The following BACH2 variants were observed in gnomAD, a reference collection of about 807,000 sequenced individuals.
BACH2 encodes the protein transcription regulator protein BACH2.
A neutral mutation model predicts 61.8 loss-of-function variants in BACH2; 5 were observed. The observed-to-expected ratio is 0.08, with a 90% CI of 0.04 to 0.17. The LOEUF is 0.17. BACH2 is among the 10% of genes least tolerant of loss of function. BACH2 has a pLI of 1.00. For synonymous variants in BACH2, 446 were observed against 440.1 expected (o/e 1.01, Z -0.17); for missense variants, 824 against 1,091.1 (o/e 0.76, Z 3.45).
chr6:90,114,898 A>G (rs1269511199), intron 4 of BACH2, among the ~76,000 whole-genome samples: 2 of 152,118 alleles, frequency 1.3e-5, no homozygotes, highest in Admixed American at 1.3e-4. Flanking sequence ...CCAAATCAGA[A>G]AGGCAATCCC....
At chr6:90,220,185 A>C (rs1769693163) in intron 3 of BACH2, among the ~76,000 whole-genome samples, 1 of 152,224 alleles carries the variant, frequency 6.6e-6, no homozygotes. Context: ...TCTCCGCTAC[A>C]GGATTTAAGG....
intron 8 of BACH2, among the ~76,000 whole-genome samples, chr6:89,936,578 C>G (rs1773037000): frequency 6.6e-6 from 1 of 152,122 alleles, no homozygotes; most frequent in Non-Finnish European, 1.5e-5. Flanking sequence ...GATGGTGACA[C>G]TGGAGAGGTA....
rs184080928 is a variant in BACH2 at position 90,121,098 on chromosome 6, G to A, written c.-161-31989C>T. On this transcript the variant is annotated intron_variant, in intron 4 of 8. Coordinates refer to ENST00000257749, the MANE Select transcript of BACH2 (RefSeq NM_021813.4). ...TGTCTTAAAAAATTCCTCACTTAAA[G>A]AGACTGAAAATGGAAATCATGCAAT... is the stretch of plus-strand genomic sequence containing the variant. Among the ~76,000 whole-genome samples, 273 of 152,248 alleles carry A rather than the reference G, an allele frequency of 1.8e-3. 2 individuals are homozygous for A. The highest frequency in any genetic ancestry group is 3.4e-3 in the Middle Eastern group (1 of 294).
chr6:90,069,120 G>C (rs767373869), intron 5 of BACH2, among the ~76,000 whole-genome samples: 60 of 152,108 alleles, frequency 3.9e-4, no homozygotes, highest in Non-Finnish European at 6.0e-4. Flanking sequence ...AGTTCCTGAT[G>C]CTTGAGTAGC....
At chr6:90,138,059 CACA>C (rs1784337512) in intron 4 of BACH2, among the ~76,000 whole-genome samples, 1 of 148,482 alleles carries the variant, frequency 6.7e-6, no homozygotes, top group Admixed American at 6.7e-5. Context: ...ATAAAACACA[CACA>C]CACACACACA....
intron 4 of BACH2, among the ~76,000 whole-genome samples, chr6:90,142,638 A>C (rs569264810): frequency 3.9e-5 from 6 of 152,298 alleles, no homozygotes; most frequent in African/African-American, 1.4e-4. Flanking sequence ...ATGTTTGGCC[A>C]AACAAAACCC....
At position 90,050,668 on chromosome 6, in the gene BACH2, G is replaced by C. The variant is rs1780000898; in HGVS notation, c.-13+38293C>G. On this transcript the variant is annotated intron_variant, in intron 5 of 8. Transcript: ENST00000257749. ...TAACATGTAGTGAGCTTATTACTGT[G>C]ATTTTAAAATTAACTAATAGATACT... is the stretch of plus-strand genomic sequence containing the variant. Among the ~76,000 whole-genome samples the C allele has an allele frequency of 1.3e-5, 2 of 151,834 alleles. 1 individual carries two copies. Among genetic ancestry groups the C allele is most frequent in the African/African-American group, 4.8e-5 (2 of 41,422 alleles).
intron 1 of BACH2, among the ~76,000 whole-genome samples, chr6:90,290,742 G>A (rs1772153016): frequency 1.3e-5 from 2 of 152,216 alleles, no homozygotes; most frequent in South Asian, 4.1e-4. Context: ...CTCCTGGAAA[G>A]TCTTGAGGAA....
chr6:90,237,644 A>G (rs1457250007), intron 3 of BACH2, among the ~76,000 whole-genome samples: 2 of 152,242 alleles, frequency 1.3e-5, no homozygotes, highest in Non-Finnish European at 2.9e-5. Flanking sequence ...TAAATGTAAA[A>G]TGCAATGGAA....
intron 5 of BACH2, among the ~76,000 whole-genome samples, chr6:90,011,930 AT>A (rs1246093423): frequency 6.1e-5 from 6 of 98,678 alleles, no homozygotes; most frequent in African/African-American, 1.3e-4. Flanking sequence ...AAAAAAAAAA[AT>A]ATGTGTGTGT....
chr6:90,237,874 G>A (rs937653929), intron 3 of BACH2, among the ~76,000 whole-genome samples: 1 of 152,122 alleles, frequency 6.6e-6, no homozygotes, highest in African/African-American at 2.4e-5. Flanking sequence ...CAAAGACAAC[G>A]GTGGACGAGC....
intron 7 of BACH2, among the ~76,000 whole-genome samples, chr6:89,946,309 T>G (rs1403687637): frequency 6.6e-6 from 1 of 152,176 alleles, no homozygotes; most frequent in East Asian, 1.9e-4. Flanking sequence ...TGGCAAAAAT[T>G]AAAAAGACTG....
intron 4 of BACH2, among the ~76,000 whole-genome samples, chr6:90,184,557 T>G (rs575321014): frequency 1.2e-4 from 18 of 152,114 alleles, no homozygotes; most frequent in Non-Finnish European, 2.2e-4. Context: ...ACAGAAGTGG[T>G]AAGAAGACAA....
intron 5 of BACH2, among the ~76,000 whole-genome samples, chr6:90,069,734 C>A (rs1781134207): frequency 6.6e-6 from 1 of 152,044 alleles, no homozygotes; most frequent in Admixed American, 6.6e-5. Context: ...TTAGAACAAT[C>A]CTTTACAGAA....
At chr6:90,114,607 A>G (rs1206946636) in intron 4 of BACH2, among the ~76,000 whole-genome samples, 1 of 152,232 alleles carries the variant, frequency 6.6e-6, no homozygotes, top group African/African-American at 2.4e-5. Context: ...AAACTGGCAC[A>G]AGACAAGGGT....
At chr6:90,033,537 T>C (rs1779116570) in intron 5 of BACH2, among the ~76,000 whole-genome samples, 1 of 152,124 alleles carries the variant, frequency 6.6e-6, no homozygotes, top group Non-Finnish European at 1.5e-5. Context: ...AAACCACTCA[T>C]GATCTTCCTG....
intron 5 of BACH2, among the ~76,000 whole-genome samples, chr6:90,027,423 G>A (rs770937357): frequency 1.3e-5 from 2 of 152,082 alleles, no homozygotes; most frequent in Non-Finnish European, 2.9e-5. Flanking sequence ...ACTCACACAC[G>A]ATTTCACCTC....
chr6:90,107,689 G>C (rs1442730173), intron 4 of BACH2, among the ~76,000 whole-genome samples: 1 of 149,736 alleles, frequency 6.7e-6, no homozygotes, highest in African/African-American at 2.5e-5. Flanking sequence ...TTTTAGTGGG[G>C]GTGTGGGATA....
rs1209835157 is a variant in BACH2 at position 89,951,914 on chromosome 6, C to G, written c.244-52G>C. 1 of 1,570,042 alleles carries G rather than the reference C, an allele frequency of 6.4e-7. No homozygotes were observed. Among genetic ancestry groups the G allele is most frequent in the Non-Finnish European group, 8.7e-7 (1 of 1,153,750 alleles). On this transcript the variant is annotated intron_variant, in intron 6 of 8. Transcript: ENST00000257749. This position sits in a 1 kb window ranked among gnomAD's most constrained non-coding sequence, Gnocchi z 6.4. ...ACATTACCATCAGCACTGCTATTGTCCCGAATCCCTCAACTGAAGCAAGAT... is the reference window on the plus strand; with the variant it reads ...ACATTACCATCAGCACTGCTATTGTGCCGAATCCCTCAACTGAAGCAAGAT...
Sources: allele counts gnomAD v4.1 joint callset (sites outside exome capture counted in the v4.1 genomes callset), GRCh38; gene constraint gnomAD v4.1.1; non-coding constraint Gnocchi (gnomAD v3.1); transcripts MANE v1.5; gene names NCBI Gene and HGNC (gene_info 2026-07-23, HGNC 2026-07-21).